Variants in GLRA2 observed in about 807,000 individuals in gnomAD.
GLRA2 encodes glycine receptor alpha 2.
In GLRA2, 11 loss-of-function variants were observed where a neutral mutation model predicts 31.6. The observed-to-expected ratio is 0.35, with a 90% confidence interval of 0.22 to 0.58. GLRA2 has a LOEUF of 0.58. Ranked by LOEUF, GLRA2 falls within the 20% of genes least tolerant of loss-of-function variation. The pLI is 0.84. For missense variants in GLRA2, 212 were observed against 351.8 expected, an observed-to-expected ratio of 0.60 and a Z score of 3.18; for synonymous variants, 132 against 134.0, an observed-to-expected ratio of 0.99 and a Z score of 0.10.
chrX:14,649,917 T>G (rs1222625021), intron 7 of GLRA2, among the ~76,000 whole-genome samples: 1 of 112,096 alleles, frequency 8.9e-6, no homozygotes, highest in African/African-American at 3.2e-5. Flanking sequence ...TATGAAATGA[T>G]TGTTCAATGC....
the GLRA2 span, among the ~76,000 whole-genome samples, chrX:14,507,091 T>C: frequency 8.9e-6 from 1 of 112,191 alleles, no homozygotes; most frequent in Admixed American, 9.4e-5. Context: ...ACCTAGTACC[T>C]GACTCATGCC....
At chrX:14,589,386 G>A (rs1374156069) in intron 4 of GLRA2, among the ~76,000 whole-genome samples, 3 of 108,307 alleles carry the variant, frequency 2.8e-5, no homozygotes, top group South Asian at 4.2e-4. Flanking sequence ...TTGGCAGGGC[G>A]CGGTGGCTCA....
intron 7 of GLRA2, among the ~76,000 whole-genome samples, chrX:14,682,878 A>T (rs908465068): frequency 2.7e-5 from 3 of 110,838 alleles, no homozygotes; most frequent in African/African-American, 9.9e-5. Flanking sequence ...AAGGACATGA[A>T]CTCATCCTTT....
chrX:14,684,669 T>C (rs2091255721), intron 7 of GLRA2, among the ~76,000 whole-genome samples: 1 of 112,115 alleles, frequency 8.9e-6, no homozygotes, highest in East Asian at 2.8e-4. Flanking sequence ...TGATTTTGTA[T>C]CCTGAGACTT....
At chrX:14,571,037 G>A (rs2089874959) in intron 2 of GLRA2, among the ~76,000 whole-genome samples, 1 of 111,168 alleles carries the variant, frequency 9.0e-6, no homozygotes, top group Non-Finnish European at 1.9e-5. Context: ...ATGAGAGCAA[G>A]AGAGAAAGGG....
chrX:14,465,428 T>G, the GLRA2 span, among the ~76,000 whole-genome samples: 13 of 112,325 alleles, frequency 1.2e-4, no homozygotes, highest in Non-Finnish European at 1.7e-4. Flanking sequence ...CTTTCCCAAT[T>G]TGGATGCCCT....
At chrX:14,714,072 T>G in intron 8 of GLRA2, among the ~76,000 whole-genome samples, 1 of 110,913 alleles carries the variant, frequency 9.0e-6, no homozygotes, top group East Asian at 2.8e-4. Context: ...AGGTTCTGGT[T>G]TGAAGCTTGA....
At chrX:14,566,357 A>G (rs897572324) in intron 2 of GLRA2, among the ~76,000 whole-genome samples, 6 of 112,270 alleles carry the variant, frequency 5.3e-5, no homozygotes, top group African/African-American at 1.9e-4. Context: ...GGTGAATTCT[A>G]GCACACATTT....
At chrX:14,493,782 GACAC>G in the GLRA2 span, among the ~76,000 whole-genome samples, 174 of 94,658 alleles carry the variant, frequency 1.8e-3, no homozygotes, top group African/African-American at 5.4e-3. Context: ...TATATATATA[GACAC>G]ACACACACAC....
the GLRA2 span, among the ~76,000 whole-genome samples, chrX:14,465,989 G>T: frequency 8.9e-6 from 1 of 111,961 alleles, no homozygotes; most frequent in Non-Finnish European, 1.9e-5. Context: ...ATGGGCTTAC[G>T]TACTTGTTCT....
intron 7 of GLRA2, among the ~76,000 whole-genome samples, chrX:14,636,234 C>T (rs1408161864): frequency 8.9e-6 from 1 of 111,744 alleles, no homozygotes. Context: ...CTCCCTATTA[C>T]TTAAATGTGG....
At chrX:14,527,425 G>A (rs754523241), upstream of GLRA2, among the ~76,000 whole-genome samples, 1 of 111,295 alleles carries the variant, frequency 9.0e-6, no homozygotes, top group African/African-American at 3.3e-5. Context: ...GACCATTCTG[G>A]CCAACATGGT....
Position 14,529,889 on chromosome X carries a change from G to A in GLRA2, c.-169G>A, listed in dbSNP as rs1276682698. 3 of 467,322 alleles carry A rather than the reference G, an allele frequency of 6.4e-6. No individual in the cohort carries two copies. The highest frequency in any genetic ancestry group is 1.1e-5 in the Non-Finnish European group (3 of 266,306). The allele number at this position is 467,322 out of a possible 1,213,427, so 38.5% of individuals were successfully genotyped here. A position where few individuals can be genotyped will look rare whatever the true frequency, so the allele number is the denominator to read the frequency against. ...GACCTGACCATGATGCCCAGGACTGGCACTTTTTCTTTTTTCTCAGCAAAC... is the reference window on the plus strand; with the variant it reads ...GACCTGACCATGATGCCCAGGACTGACACTTTTTCTTTTTTCTCAGCAAAC... On this transcript the variant is annotated 5_prime_UTR_variant, in exon 1 of 9. Transcript: ENST00000218075.
intron 4 of GLRA2, among the ~76,000 whole-genome samples, chrX:14,596,453 C>T (rs1158831752): frequency 1.8e-5 from 2 of 110,314 alleles, no homozygotes; most frequent in African/African-American, 3.3e-5. Flanking sequence ...TGACTGAAGC[C>T]CATGATTAAC....
At chrX:14,698,068 C>T (rs1159006753) in intron 8 of GLRA2, among the ~76,000 whole-genome samples, 1 of 111,135 alleles carries the variant, frequency 9.0e-6, no homozygotes, top group African/African-American at 3.3e-5. Context: ...GAAACTAATG[C>T]AAAAAGAAAA....
At chrX:14,706,299 A>T (rs2091620306) in intron 8 of GLRA2, among the ~76,000 whole-genome samples, 1 of 112,076 alleles carries the variant, frequency 8.9e-6, no homozygotes, top group Admixed American at 9.5e-5. Context: ...ATTCACTAGC[A>T]CATTAAAGCT....
At chrX:14,471,251 A>G in the GLRA2 span, among the ~76,000 whole-genome samples, 1 of 112,084 alleles carries the variant, frequency 8.9e-6, no homozygotes, top group African/African-American at 3.2e-5. Context: ...GTTAATTAAC[A>G]TGTGTTTCCC....
chrX:14,645,530 G>A (rs937612630), intron 7 of GLRA2, among the ~76,000 whole-genome samples: 3 of 111,363 alleles, frequency 2.7e-5, no homozygotes, highest in African/African-American at 6.5e-5. Context: ...ATTAGACACC[G>A]TGCCCAAATA....
chrX:14,574,233 C>A lies in GLRA2; in HGVS notation c.203-100C>A, dbSNP rs768961810. ...ACTTTTTTTTTGGCAATCTCACCATCATTTTAATTGTATTCAAATCTCTAG... is the reference window on the plus strand; with the variant it reads ...ACTTTTTTTTTGGCAATCTCACCATAATTTTAATTGTATTCAAATCTCTAG... On this transcript the variant is annotated intron_variant, in intron 2 of 8. Coordinates refer to ENST00000218075, the MANE Select transcript of GLRA2 (RefSeq NM_002063.4). 3 of 553,155 alleles carry A rather than the reference C, an allele frequency of 5.4e-6. No individual in the cohort carries two copies. In the Admixed American group the frequency reaches 8.2e-5, roughly 15 times the overall value. The allele number at this position is 553,155 out of a possible 1,213,427, so 45.6% of individuals were successfully genotyped here.
Sources: gnomAD v4.1 joint callset for allele counts (sites outside exome capture counted in the v4.1 genomes callset) on GRCh38, gnomAD v4.1.1 for gene constraint, MANE v1.5 for transcripts, NCBI Gene and HGNC (gene_info 2026-07-23, HGNC 2026-07-21) for gene names.